ST6GAL1: variants seen among roughly 807,000 people sequenced by gnomAD.
ST6GAL1 encodes the protein beta-galactoside alpha-2,6-sialyltransferase 1.
A neutral mutation model predicts 38.0 loss-of-function variants in ST6GAL1; 20 were observed. The observed-to-expected ratio is 0.53, with a 90% CI of 0.37 to 0.77. The LOEUF (loss-of-function observed/expected upper bound fraction) is 0.77. Ranked by LOEUF, ST6GAL1 falls within the 30% of genes least tolerant of loss-of-function variation. The probability of loss-of-function intolerance (pLI) is 0.00; values close to 1 mark genes in which losing one functional copy is unlikely to be tolerated. For synonymous variants in ST6GAL1, 196 were observed against 188.2 expected (o/e 1.04, Z -0.34); for missense variants, 432 against 496.4 (o/e 0.87, Z 1.23).
chr3:187,070,703 G>A (rs142707089), intron 5 of ST6GAL1, among the ~76,000 whole-genome samples: 2,030 of 152,064 alleles, frequency 0.013, 36 homozygotes, highest in African/African-American at 0.042. Context: ...GATTACAGGT[G>A]TGAGCCACCG....
chr3:186,964,911 A>C (rs1277857253), intron 2 of ST6GAL1, among the ~76,000 whole-genome samples: 1 of 152,192 alleles, frequency 6.6e-6, no homozygotes, highest in African/African-American at 2.4e-5. Context: ...GCCCAGTAAC[A>C]TGAGTTGCGT....
In ST6GAL1 at chr3:187,036,537, G is replaced by A. The variant is rs556495012; in HGVS notation, c.-182-2205G>A. 1.1e-3 allele frequency among the ~76,000 whole-genome samples: 175 copies of A among 152,260 alleles called. 1 individual carries two copies. Among genetic ancestry groups the A allele is most frequent in the African/African-American group, 3.9e-3 (162 of 41,560 alleles). Reference sequence around the variant, plus strand: ...TGGTGGACTGGATAAAGAAAATATGGTACATATACACTGTGGAATAGTACA... The same window carrying A: ...TGGTGGACTGGATAAAGAAAATATGATACATATACACTGTGGAATAGTACA... On this transcript the variant is annotated intron_variant, in intron 2 of 7. Coordinates refer to ENST00000169298, the MANE Select transcript of ST6GAL1 (RefSeq NM_173216.2).
At chr3:187,023,980 A>C (rs1398412236) in intron 2 of ST6GAL1, among the ~76,000 whole-genome samples, 1 of 151,660 alleles carries the variant, frequency 6.6e-6, no homozygotes, top group African/African-American at 2.4e-5. Flanking sequence ...AGAAGAACTC[A>C]ACCTTCCCTA....
intron 1 of ST6GAL1, among the ~76,000 whole-genome samples, chr3:186,939,215 A>G (rs1714076102): frequency 6.6e-6 from 1 of 151,930 alleles, no homozygotes; most frequent in South Asian, 2.1e-4. Context: ...CTGGGACTAC[A>G]GGCATGCACC....
intron 3 of ST6GAL1, among the ~76,000 whole-genome samples, chr3:187,040,631 G>T (rs957597248): frequency 2.0e-5 from 3 of 152,214 alleles, no homozygotes; most frequent in Non-Finnish European, 4.4e-5. Flanking sequence ...CTACCACGTA[G>T]TAGGCCCTCC....
intron 2 of ST6GAL1, among the ~76,000 whole-genome samples, chr3:186,990,601 G>A (rs1309193145): frequency 6.6e-6 from 1 of 151,230 alleles, no homozygotes; most frequent in Non-Finnish European, 1.5e-5. Context: ...AACCCCAGCC[G>A]CCTTCTCCCA....
intron 5 of ST6GAL1, among the ~76,000 whole-genome samples, chr3:187,052,996 G>T (rs1718568485): frequency 6.6e-6 from 1 of 152,178 alleles, no homozygotes; most frequent in Non-Finnish European, 1.5e-5. Flanking sequence ...CATTCTAACT[G>T]GTGTGAGATG....
At chr3:186,943,542 C>T (rs796836866) in intron 1 of ST6GAL1, among the ~76,000 whole-genome samples, 17 of 152,220 alleles carry the variant, frequency 1.1e-4, no homozygotes, top group African/African-American at 2.4e-4. Flanking sequence ...CTCCGCCTCC[C>T]GGGTTCAAGC....
chr3:186,952,567 C>T lies in ST6GAL1; in HGVS notation c.-324-11218C>T, dbSNP rs1242169141. Among the ~76,000 whole-genome samples the T allele has an allele frequency of 3.3e-5, 5 of 151,894 alleles. No homozygotes were observed. Among genetic ancestry groups the T allele is most frequent in the Non-Finnish European group, 5.9e-5 (4 of 67,984 alleles). On this transcript the variant is annotated intron_variant, in intron 1 of 7. Transcript: ENST00000169298. The surrounding 1 kb of genome is among the most constrained non-coding windows in gnomAD (Gnocchi z 4.1). ...TTACCCAGGCTGGAGTGCAGTGGCG[C>T]GATCTCAGCTCACTGCAACCTCCGC... is the stretch of plus-strand genomic sequence containing the variant.
intron 1 of ST6GAL1, among the ~76,000 whole-genome samples, chr3:186,955,744 AC>A (rs1265881609): frequency 6.6e-6 from 1 of 151,920 alleles, no homozygotes; most frequent in Non-Finnish European, 1.5e-5. Flanking sequence ...CTTGTGATCC[AC>A]CCACCTCAGC....
chr3:187,022,277 T>G (rs1354439878), intron 2 of ST6GAL1, among the ~76,000 whole-genome samples: 1 of 152,134 alleles, frequency 6.6e-6, no homozygotes, highest in Non-Finnish European at 1.5e-5. Context: ...TATGGTCACA[T>G]AAGTCATCTT....
intron 2 of ST6GAL1, among the ~76,000 whole-genome samples, chr3:186,996,337 CATGTT>C (rs1455912067): frequency 2.0e-5 from 3 of 152,132 alleles, no homozygotes; most frequent in Admixed American, 6.5e-5. Flanking sequence ...TAGGAAGAAA[CATGTT>C]ATGATGTAGA....
intron 6 of ST6GAL1, 138 bp from the exon 7 acceptor site, chr3:187,074,021 G>T: frequency 1.4e-6 from 1 of 722,456 alleles, no homozygotes; most frequent in Non-Finnish European, 2.1e-6. Context: ...GTAGTCTGCT[G>T]CAAGAAAAGG....
chr3:187,015,778 G>A (rs1224278218), intron 2 of ST6GAL1, among the ~76,000 whole-genome samples: 1 of 152,140 alleles, frequency 6.6e-6, no homozygotes, highest in Non-Finnish European at 1.5e-5. Flanking sequence ...GGTCGAGGCT[G>A]CAGTGAGCTG....
chr3:187,001,404 C>G (rs1716611432), intron 2 of ST6GAL1, among the ~76,000 whole-genome samples: 1 of 152,188 alleles, frequency 6.6e-6, no homozygotes, highest in South Asian at 2.1e-4. Flanking sequence ...GGGATTAAAT[C>G]TGTTAATACT....
chr3:186,940,810 A>T, intron 1 of ST6GAL1, among the ~76,000 whole-genome samples: 1 of 138,786 alleles, frequency 7.2e-6, no homozygotes. Flanking sequence ...TCATAGCTGC[A>T]TTGCATTCTA....
chr3:186,939,818 C>T (rs558810387), intron 1 of ST6GAL1, among the ~76,000 whole-genome samples: 15 of 152,170 alleles, frequency 9.9e-5, no homozygotes, highest in Non-Finnish European at 2.1e-4. Context: ...AATCTCCCAT[C>T]CCCTCTGTTA....
At chr3:187,047,528 C>G (rs1718341585) in intron 4 of ST6GAL1, among the ~76,000 whole-genome samples, 1 of 152,076 alleles carries the variant, frequency 6.6e-6, no homozygotes, top group Non-Finnish European at 1.5e-5. Context: ...AATCTGAATA[C>G]AGTGATGCAT....
chr3:186,987,676 G>A (rs867225021), intron 2 of ST6GAL1, among the ~76,000 whole-genome samples: 35 of 152,250 alleles, frequency 2.3e-4, no homozygotes, highest in African/African-American at 7.7e-4. Context: ...AGAAACCTAG[G>A]GGGAGAGAAA....
Sources: gnomAD v4.1 joint callset for allele counts (sites outside exome capture counted in the v4.1 genomes callset) on GRCh38, gnomAD v4.1.1 for gene constraint, Gnocchi (gnomAD v3.1) non-coding constraint, MANE v1.5 for transcripts, NCBI Gene and HGNC (gene_info 2026-07-23, HGNC 2026-07-21) for gene names.